Variants in TULP4 observed in about 807,000 individuals in gnomAD.
TULP4 encodes the protein TUB like protein 4.
Under a neutral mutation model 129.0 loss-of-function variants are expected in TULP4, and 16 were observed. The ratio of observed to expected loss-of-function variants is 0.12; its 90% confidence interval spans 0.08 to 0.19. The LOEUF (loss-of-function observed/expected upper bound fraction) is 0.19, where lower values mean the gene tolerates loss of function less well. Among genes scored for constraint, TULP4 ranks in the 10% least tolerant of loss-of-function variants. The pLI, the probability that TULP4 is intolerant of heterozygous loss-of-function variation, is 1.00. For missense variants in TULP4, 1,842 were observed against 2,059.1 expected, an observed-to-expected ratio of 0.89 and a Z score of 2.04; for synonymous variants, 998 against 854.0, an observed-to-expected ratio of 1.17 and a Z score of -2.94.
At chr6:158,372,808 G>A (rs1777100739) in intron 1 of TULP4, among the ~76,000 whole-genome samples, 1 of 152,118 alleles carries the variant, frequency 6.6e-6, no homozygotes, top group Admixed American at 6.5e-5. Context: ...TTATTACCAG[G>A]AAGTGTAATC....
chr6:158,462,517 G>C (rs1428868440), intron 6 of TULP4, among the ~76,000 whole-genome samples: 1 of 151,366 alleles, frequency 6.6e-6, no homozygotes, highest in Non-Finnish European at 1.5e-5. Flanking sequence ...GGGACTACAG[G>C]TGTCTGCCAC....
At chr6:158,337,861 A>C (rs1287691914) in intron 1 of TULP4, among the ~76,000 whole-genome samples, 1 of 152,182 alleles carries the variant, frequency 6.6e-6, no homozygotes. Flanking sequence ...GAAACAGAAG[A>C]AACCAGAGGA....
intron 1 of TULP4, among the ~76,000 whole-genome samples, chr6:158,233,843 C>G (rs759676554): frequency 1.3e-5 from 2 of 152,110 alleles, no homozygotes. Context: ...AGTTGTTAGA[C>G]GATGTGGATT....
chr6:158,379,096 G>T (rs1442421596), intron 1 of TULP4, among the ~76,000 whole-genome samples: 1 of 152,196 alleles, frequency 6.6e-6, no homozygotes, highest in African/African-American at 2.4e-5. Context: ...AGAGAGTCCA[G>T]GCTGGCGGCA....
chr6:158,380,915 A>T (rs1399570664), intron 1 of TULP4, among the ~76,000 whole-genome samples: 4 of 150,176 alleles, frequency 2.7e-5, no homozygotes, highest in Non-Finnish European at 4.4e-5. Context: ...AAAAAAAAGA[A>T]GAAGAAGAAG....
chr6:158,247,609 G>C (rs977702246), intron 1 of TULP4, among the ~76,000 whole-genome samples: 6 of 152,194 alleles, frequency 3.9e-5, no homozygotes, highest in African/African-American at 1.4e-4. Context: ...CCTCTGATTT[G>C]TGTGTGTGAA....
intron 1 of TULP4, among the ~76,000 whole-genome samples, chr6:158,273,811 T>C (rs915855223): frequency 1.3e-4 from 20 of 152,222 alleles, no homozygotes; most frequent in African/African-American, 4.8e-4. Context: ...GCTCCTAGTA[T>C]GTACCAGGCA....
rs1474334898 is a variant in TULP4 at position 158,511,216 on chromosome 6, G to C, written c.*4522G>C. 6.6e-6 allele frequency: 1 copy of C among 152,494 alleles called. No individual in the cohort carries two copies. The highest frequency in any genetic ancestry group is 1.9e-4 in the East Asian group (1 of 5,192). 9.4% of individuals were successfully genotyped at this position (152,494 alleles called of 1,614,324 possible). Reference sequence around the variant, plus strand: ...TTCTAAGATCTTGTTGTTTATTGTAGATAAAAATTTTTTCGTGTTGTAGAA... The same window carrying C: ...TTCTAAGATCTTGTTGTTTATTGTACATAAAAATTTTTTCGTGTTGTAGAA... On this transcript the variant is annotated 3_prime_UTR_variant, in exon 14 of 14. Transcript: ENST00000367097.
At chr6:158,378,485 T>TTTTTG (rs1554285635) in intron 1 of TULP4, among the ~76,000 whole-genome samples, 101 of 51,382 alleles carry the variant, frequency 2.0e-3, no homozygotes, top group Non-Finnish European at 2.9e-3. Flanking sequence ...TTTTTTTTTT[T>TTTTTG]GGTGGGGGTG....
At chr6:158,439,660 C>T (rs1468090970) in intron 3 of TULP4, among the ~76,000 whole-genome samples, 5 of 142,834 alleles carry the variant, frequency 3.5e-5, no homozygotes, top group African/African-American at 5.2e-5. Flanking sequence ...AAGAAAAGAA[C>T]ATGGTAATCT....
intron 3 of TULP4, among the ~76,000 whole-genome samples, chr6:158,440,223 T>G (rs988256937): frequency 7.9e-5 from 11 of 139,056 alleles, no homozygotes; most frequent in African/African-American, 2.8e-4. Context: ...GAGGCTGAGG[T>G]GGGAGGACTG....
At chr6:158,336,950 T>G (rs1216659893) in intron 1 of TULP4, among the ~76,000 whole-genome samples, 1 of 152,160 alleles carries the variant, frequency 6.6e-6, no homozygotes, top group Admixed American at 6.5e-5. Context: ...GTCTCACTAG[T>G]GTCTTAGAGC....
chr6:158,348,085 TAAAC>T (rs1780354219), intron 1 of TULP4, among the ~76,000 whole-genome samples: 1 of 151,764 alleles, frequency 6.6e-6, no homozygotes, highest in South Asian at 2.1e-4. Flanking sequence ...ATTGATCACT[TAAAC>T]AACGTAAACC....
intron 1 of TULP4, among the ~76,000 whole-genome samples, chr6:158,394,643 C>T (rs891132843): frequency 6.6e-5 from 10 of 151,466 alleles, no homozygotes; most frequent in African/African-American, 1.5e-4. Context: ...AAAAATTAGC[C>T]GGACGTGGTG....
intron 3 of TULP4, among the ~76,000 whole-genome samples, chr6:158,436,354 T>A (rs547551351): frequency 2.1e-4 from 32 of 152,326 alleles, no homozygotes; most frequent in African/African-American, 7.5e-4. Flanking sequence ...GTATTTAAGG[T>A]TTCATGTAAC....
chr6:158,254,828 T>C (rs1778215323), intron 1 of TULP4, among the ~76,000 whole-genome samples: 1 of 152,174 alleles, frequency 6.6e-6, no homozygotes, highest in Non-Finnish European at 1.5e-5. Flanking sequence ...TCCCAGCACT[T>C]TGGGAGGCTG....
intron 1 of TULP4, among the ~76,000 whole-genome samples, chr6:158,276,555 G>T (rs1583697408): frequency 6.6e-6 from 1 of 151,688 alleles, no homozygotes; most frequent in Admixed American, 6.6e-5. Context: ...CGTGTTCTTA[G>T]TTGACAATGG....
At chr6:158,292,491 T>A (rs1350460007) in intron 1 of TULP4, among the ~76,000 whole-genome samples, 2 of 152,206 alleles carry the variant, frequency 1.3e-5, no homozygotes, top group Non-Finnish European at 1.5e-5. Flanking sequence ...AAAAATTACA[T>A]TTGTTGTAAT....
chr6:158,328,342 C>T (rs1416524486), intron 1 of TULP4, among the ~76,000 whole-genome samples: 1 of 151,962 alleles, frequency 6.6e-6, no homozygotes, highest in Non-Finnish European at 1.5e-5. Context: ...AGACGTTAAG[C>T]AGCTTGCCCA....
Sources: allele counts gnomAD v4.1 joint callset (sites outside exome capture counted in the v4.1 genomes callset), GRCh38; gene constraint gnomAD v4.1.1; transcripts MANE v1.5; gene names NCBI Gene and HGNC (gene_info 2026-07-23, HGNC 2026-07-21).